Variants in FANK1 observed in about 807,000 individuals in gnomAD.
FANK1 encodes fibronectin type 3 and ankyrin repeat domains protein 1.
In FANK1, 44 loss-of-function variants were observed where a neutral mutation model predicts 45.3. The observed-to-expected ratio is 0.97, with a 90% CI of 0.76 to 1.25. The LOEUF (loss-of-function observed/expected upper bound fraction) is 1.25, where lower values mean the gene tolerates loss of function less well. Ranked by LOEUF, FANK1 falls within the 50% of genes most tolerant of loss-of-function variation. The pLI is 0.00. For missense variants in FANK1, 391 were observed against 424.4 expected (o/e 0.92, Z 0.69); for synonymous variants, 149 against 152.5 (o/e 0.98, Z 0.17).
chr10:125,927,023 C>T (rs1240508429), intron 1 of FANK1, among the ~76,000 whole-genome samples: 3 of 152,224 alleles, frequency 2.0e-5, no homozygotes, highest in African/African-American at 7.2e-5. Flanking sequence ...GCTGCTCTTA[C>T]CTCCTCTCGA....
chr10:125,988,025 T>G (rs1391893401), intron 2 of FANK1, among the ~76,000 whole-genome samples: 1 of 152,220 alleles, frequency 6.6e-6, no homozygotes, highest in Non-Finnish European at 1.5e-5. Flanking sequence ...GATGTTAGCA[T>G]TGTCTTCTAT....
intron 1 of FANK1, among the ~76,000 whole-genome samples, chr10:125,913,547 T>C (rs111758717): frequency 2.0e-5 from 3 of 152,234 alleles, no homozygotes; most frequent in Non-Finnish European, 4.4e-5. Context: ...AAAAGTTCTC[T>C]GATAAGTCAT....
chr10:125,949,990 A>T (rs1256975094), intron 1 of FANK1, among the ~76,000 whole-genome samples: 1 of 111,624 alleles, frequency 9.0e-6, no homozygotes, highest in Non-Finnish European at 2.0e-5. Flanking sequence ...ATCTTTGACA[A>T]ACGTGAGAAA....
chr10:125,913,613 C>T lies in FANK1; in HGVS notation c.13+16958C>T, dbSNP rs2366041. On this transcript the variant is annotated intron_variant, in intron 1 of 10. Coordinates refer to ENST00000368693, the MANE Select transcript of FANK1 (RefSeq NM_145235.5). Reference sequence around the variant, plus strand: ...AACTTTGAGTTAATTTTACATAAACCTGGGTTAATTTACAAAATTTTGGCA... The same window carrying T: ...AACTTTGAGTTAATTTTACATAAACTTGGGTTAATTTACAAAATTTTGGCA... Among the ~76,000 whole-genome samples, 11 of 152,070 alleles carry T rather than the reference C, an allele frequency of 7.2e-5. No homozygotes were observed. In the East Asian group the frequency reaches 2.1e-3, roughly 29 times the overall value.
At chr10:125,989,410 C>CT in intron 3 of FANK1, 1 of 1,512,294 alleles carries the variant, frequency 6.6e-7, no homozygotes, top group Admixed American at 2.0e-5. Context: ...GAGTAAAGCT[C>CT]TTTTTCCGTT....
At chr10:126,009,309 T>A (rs1953482958) in intron 10 of FANK1, 43 bp downstream of exon 10, 1 of 1,614,038 alleles carries the variant, frequency 6.2e-7, no homozygotes, top group Admixed American at 1.7e-5. Flanking sequence ...TTTTTAGTCC[T>A]TCTAGACTCA....
rs1332425633 is a variant in FANK1, at chr10:126,009,138, G to C, written c.927+7G>C. ...TGCAAGTGTAAAAAATGAGGTAAATGAGTCCATCTTTATGTAAAGATTTTC... is the reference window on the plus strand; with the variant it reads ...TGCAAGTGTAAAAAATGAGGTAAATCAGTCCATCTTTATGTAAAGATTTTC... On this transcript the variant is annotated splice_region_variant and intron_variant, in intron 9 of 10. Transcript: ENST00000368693. 1 of 1,614,130 alleles carries C rather than the reference G, an allele frequency of 6.2e-7. No individual in the cohort carries two copies. Among genetic ancestry groups the C allele is most frequent in the Admixed American group, 1.7e-5 (1 of 60,018 alleles).
intron 1 of FANK1, among the ~76,000 whole-genome samples, chr10:125,905,098 T>C (rs1945378838): frequency 1.6e-5 from 2 of 121,578 alleles, no homozygotes; most frequent in Admixed American, 1.1e-4. Flanking sequence ...GCCACTGCAC[T>C]CCAGCCCAGG....
At chr10:125,945,578 C>T (rs902825492) in intron 1 of FANK1, among the ~76,000 whole-genome samples, 1 of 152,226 alleles carries the variant, frequency 6.6e-6, no homozygotes, top group African/African-American at 2.4e-5. Flanking sequence ...GATTATATCC[C>T]ACACCTGGCT....
At chr10:126,004,699 C>T (rs1243821805) in intron 6 of FANK1, 185 bp from the exon 7 acceptor site, 3 of 580,064 alleles carry the variant, frequency 5.2e-6, no homozygotes, top group Non-Finnish European at 9.2e-6. Context: ...TTCTAATATT[C>T]CATTGTATGG....
At chr10:125,969,619 TTTTTTTTTAAA>T (rs908241366) in intron 1 of FANK1, among the ~76,000 whole-genome samples, 3 of 150,990 alleles carry the variant, frequency 2.0e-5, no homozygotes, top group Non-Finnish European at 2.9e-5. Context: ...TGAATTTTTC[TTTTTTTTTAAA>T]TTTTTTTTAG....
intron 1 of FANK1, among the ~76,000 whole-genome samples, chr10:125,936,255 TGTAG>T (rs1331988709): frequency 6.6e-6 from 1 of 152,160 alleles, no homozygotes; most frequent in African/African-American, 2.4e-5. Flanking sequence ...TCCATTTGTT[TGTAG>T]GTATTTAGTT....
At chr10:126,001,146 C>T (rs557704585) in intron 6 of FANK1, among the ~76,000 whole-genome samples, 8 of 152,200 alleles carry the variant, frequency 5.3e-5, no homozygotes, top group African/African-American at 2.4e-5. Context: ...AATGCAAATA[C>T]GATTAGTAAG....
intron 1 of FANK1, among the ~76,000 whole-genome samples, chr10:125,963,015 C>T (rs189876287): frequency 0.016 from 2,337 of 147,322 alleles, 61 homozygotes; most frequent in African/African-American, 0.055. Flanking sequence ...GATGGAGTCT[C>T]GCTCTGTCGC....
chr10:125,959,107 A>G (rs1467780792), intron 1 of FANK1, among the ~76,000 whole-genome samples: 1 of 152,164 alleles, frequency 6.6e-6, no homozygotes, highest in Non-Finnish European at 1.5e-5. Flanking sequence ...TTCTTAAGAC[A>G]TGAAATAGGC....
intron 1 of FANK1, among the ~76,000 whole-genome samples, chr10:125,900,474 T>C (rs1440818837): frequency 6.6e-6 from 1 of 151,958 alleles, no homozygotes; most frequent in Admixed American, 6.6e-5. Flanking sequence ...TAAGCAAACA[T>C]ATAATCTGAG....
rs760603434 is a variant in FANK1 at position 126,009,010 on chromosome 10, G to C, written c.850-44G>C. On this transcript the variant is annotated intron_variant, in intron 8 of 10. Transcript: ENST00000368693. ...TCATGCCCCCTGCTGTGTGTGCCCT[G>C]GAGGGAGAAGCTCATGCACACCACC... 3 of 1,586,540 alleles carry C rather than the reference G, an allele frequency of 1.9e-6. No homozygotes were observed. In the South Asian group the frequency reaches 3.3e-5, roughly 18 times the overall value.
intron 1 of FANK1, among the ~76,000 whole-genome samples, chr10:125,925,474 C>G (rs1947285307): frequency 6.6e-6 from 1 of 152,170 alleles, no homozygotes; most frequent in African/African-American, 2.4e-5. Flanking sequence ...CAGGTGTTCA[C>G]AGGTGGCTCC....
At chr10:125,931,165 C>A (rs762939651) in intron 1 of FANK1, among the ~76,000 whole-genome samples, 8 of 152,102 alleles carry the variant, frequency 5.3e-5, no homozygotes, top group Non-Finnish European at 7.3e-5. Context: ...TGAATTGTGC[C>A]GCTATAAACA....
Sources: gnomAD v4.1 joint callset for allele counts (sites outside exome capture counted in the v4.1 genomes callset) on GRCh38, gnomAD v4.1.1 for gene constraint, MANE v1.5 for transcripts, NCBI Gene and HGNC (gene_info 2026-07-23, HGNC 2026-07-21) for gene names.